The following MGAM variants were observed in gnomAD, a reference collection of about 807,000 sequenced individuals.
The protein encoded by MGAM is alpha-1,4-glucosidase.
A neutral mutation model predicts 358.8 loss-of-function variants in MGAM; 253 were observed. The observed-to-expected ratio is 0.71, with a 90% confidence interval of 0.64 to 0.78. MGAM has a LOEUF of 0.78. Among genes scored for constraint, MGAM ranks in the 30% least tolerant of loss-of-function variants. The pLI is 0.00. For synonymous variants in MGAM, 1,105 were observed against 1,227.1 expected, an observed-to-expected ratio of 0.90 and a Z score of 2.08; for missense variants, 3,080 against 3,432.6, an observed-to-expected ratio of 0.90 and a Z score of 2.57.
At chr7:142,063,748 C>T (rs953203345) in intron 36 of MGAM, among the ~76,000 whole-genome samples, 162 bp downstream of exon 36, 3 of 152,148 alleles carry the variant, frequency 2.0e-5, no homozygotes, top group Admixed American at 6.5e-5. Context: ...TTTACCCAGC[C>T]GGGCATGGGC....
intron 20 of MGAM, chr7:142,040,417 A>T (rs1277796649): frequency 3.4e-6 from 2 of 583,724 alleles, no homozygotes; most frequent in Non-Finnish European, 6.0e-6. Flanking sequence ...GTATCTCATA[A>T]ATTAATATTG....
intron 19 of MGAM, among the ~76,000 whole-genome samples, chr7:142,039,501 C>G (rs539776041): frequency 6.6e-5 from 10 of 152,226 alleles, no homozygotes; most frequent in Non-Finnish European, 1.5e-5. Flanking sequence ...AATCTGCCCT[C>G]ATCATCCAGT....
chr7:142,036,243 A>C lies in MGAM; in HGVS notation c.2034A>C (p.Ala678=). The change falls in exon 17 of 71, where the codon GCA becomes GCC. Residue 678 remains alanine, a synonymous_variant. Coordinates refer to ENST00000475668, the MANE Select transcript of MGAM (RefSeq NM_001365693.1). ...ELCRRWMQLG[A]FYPFSRNHNG... is the part of the protein sequence containing the mutation. ...GTAGGCGGTGGATGCAGTTGGGTGC[A>C]TTTTATCCGTTTTCTAGAAATCACA... 1 of 1,611,444 alleles carries C rather than the reference A, an allele frequency of 6.2e-7. No individual in the cohort carries two copies.
At chr7:142,014,106 A>G (rs1167287745) in intron 3 of MGAM, among the ~76,000 whole-genome samples, 2 of 152,198 alleles carry the variant, frequency 1.3e-5, no homozygotes, top group Non-Finnish European at 2.9e-5. Flanking sequence ...CTCCAGCTTC[A>G]GTGAAGGAGG....
chr7:142,053,755 C>G (rs1315631403), intron 26 of MGAM, among the ~76,000 whole-genome samples: 1 of 152,102 alleles, frequency 6.6e-6, no homozygotes, highest in Non-Finnish European at 1.5e-5. Flanking sequence ...GTCACATTGC[C>G]TGAAAGGTTC....
At chr7:142,059,361 G>A in intron 31 of MGAM, 111 bp from the exon 32 acceptor site, 1 of 1,479,520 alleles carries the variant, frequency 6.8e-7, no homozygotes, top group Non-Finnish European at 9.1e-7. Context: ...GGATTTGAAT[G>A]CATCAACAAG....
rs781899298 is a variant in MGAM, at chr7:142,027,639, C to T, written c.1125C>T (p.Tyr375=). ...TTGGGCGGCCAGCCCTTCCCTCCTA[C>T]TGGGCGCTTGGATTTCACCTCAGTC... ...ELIGRPALPS[Y]WALGFHLSRY... Residue 375 remains tyrosine (Y), a synonymous_variant, in exon 10 of 71, where the codon TAC becomes TAT. Transcript: ENST00000475668. 1.5e-5 allele frequency: 25 copies of T among 1,613,706 alleles called. No homozygotes were observed. The highest frequency in any genetic ancestry group is 2.0e-5 in the Non-Finnish European group (24 of 1,179,770).
In MGAM at chr7:142,104,531, GT is replaced by G. The variant is rs530319262; in HGVS notation, c.8184+1099del. 3.1e-4 allele frequency among the ~76,000 whole-genome samples: 47 copies of G among 152,198 alleles called. 1 individual carries two copies. In the South Asian group the frequency reaches 8.5e-3, roughly 28 times the overall value. On this transcript the variant is annotated intron_variant, in intron 70 of 70. Coordinates refer to ENST00000475668, the MANE Select transcript of MGAM (RefSeq NM_001365693.1). ...AAATTCTTCCACTAGTGTCTATGAA[GT>G]TTTTTTCCTGAGCCACTAACACACT...
chr7:142,028,221 A>G (rs1807147519), intron 10 of MGAM, among the ~76,000 whole-genome samples: 1 of 152,164 alleles, frequency 6.6e-6, no homozygotes, highest in Non-Finnish European at 1.5e-5. Flanking sequence ...ATATTTTCAG[A>G]AATTCCTCTA....
At chr7:142,100,979 A>G in intron 68 of MGAM, 89 bp downstream of exon 68, 2 of 1,193,554 alleles carry the variant, frequency 1.7e-6, no homozygotes, top group Non-Finnish European at 2.4e-6. Flanking sequence ...TTTCCCTATT[A>G]TAACAATTTT....
chr7:142,060,889 C>T (rs1416811084), intron 34 of MGAM, among the ~76,000 whole-genome samples: 3 of 152,114 alleles, frequency 2.0e-5, no homozygotes, highest in African/African-American at 4.8e-5. Flanking sequence ...CCCCACCATT[C>T]CTTGGGTTTC....
chr7:142,042,026 T>TAACA (rs1491094720), intron 21 of MGAM, among the ~76,000 whole-genome samples: 1 of 22,096 alleles, frequency 4.5e-5, no homozygotes, highest in Non-Finnish European at 6.6e-5. Flanking sequence ...TATATATATA[T>TAACA]TATATTATAT....
chr7:142,062,750 G>A (rs1324135118), intron 35 of MGAM, 48 bp downstream of exon 35: 1 of 1,610,054 alleles, frequency 6.2e-7, no homozygotes, highest in Non-Finnish European at 8.5e-7. Context: ...GTCTATCTTT[G>A]TGTGCCTAAG....
intron 21 of MGAM, among the ~76,000 whole-genome samples, chr7:142,045,304 ATATG>A (rs1810044801): frequency 8.9e-6 from 1 of 112,336 alleles, no homozygotes; most frequent in Non-Finnish European, 1.6e-5. Context: ...AATATATATT[ATATG>A]TACCTATAAT....
intron 44 of MGAM, among the ~76,000 whole-genome samples, chr7:142,072,196 C>T (rs1451637247): frequency 6.8e-6 from 1 of 146,042 alleles, no homozygotes; most frequent in Non-Finnish European, 1.5e-5. Context: ...AAACCAATCA[C>T]AACCTGGTTC....
chr7:142,095,831 G>T, intron 64 of MGAM, 118 bp downstream of exon 64: 1 of 1,443,722 alleles, frequency 6.9e-7, no homozygotes, highest in Non-Finnish European at 9.4e-7. Context: ...CTCTTCAGGT[G>T]CAGACCATAC....
chr7:142,020,599 A>ATT (rs1367804626), intron 4 of MGAM, among the ~76,000 whole-genome samples: 37 of 133,568 alleles, frequency 2.8e-4, no homozygotes, highest in African/African-American at 1.1e-3. Context: ...ATATATATAT[A>ATT]TATATTTTTT....
rs577073820 is a variant in MGAM at position 142,037,556 on chromosome 7, GC to G, written c.2231+582del. Among the ~76,000 whole-genome samples the G allele has an allele frequency of 8.7e-4, 132 of 152,194 alleles. 1 individual carries two copies. The highest frequency in any genetic ancestry group is 3.4e-3 in the Middle Eastern group (1 of 294). On this transcript the variant is annotated intron_variant, in intron 18 of 70. Coordinates refer to ENST00000475668, the MANE Select transcript of MGAM (RefSeq NM_001365693.1). The stretch of plus-strand genomic sequence containing the variant: ...CTCCCTTATGTGGGTGACATATGAG[GC>G]CCTCAGGCACGTATCAGGCTATTAT...
rs765174775 is a variant in MGAM at position 142,080,920 on chromosome 7, C to T, written c.5977C>T (p.Arg1993Cys). Residue 1993 changes from arginine (R) to cysteine (C), a missense_variant, in exon 50 of 71, where the codon CGC (arginine) becomes TGC (cysteine). This residue lies in a region of MGAM where 932 missense variants were observed against 1,198.2 expected (regional missense o/e 0.78). Coordinates refer to ENST00000475668, the MANE Select transcript of MGAM (RefSeq NM_001365693.1). ...GAAGAATCCATTTGGGATTGAAATT[C>T]GCCGGAAGAGTACAGGCACTATAAT... Reference protein sequence around the residue: ...IKKNPFGIEIRRKSTGTIIWD... With the variant: ...IKKNPFGIEICRKSTGTIIWD... 1.1e-5 allele frequency: 17 copies of T among 1,555,506 alleles called. 2 individuals are homozygous for T. The highest frequency in any genetic ancestry group is 6.8e-5 in the East Asian group (3 of 43,902).
Sources: allele counts gnomAD v4.1 joint callset (sites outside exome capture counted in the v4.1 genomes callset), GRCh38; gene constraint gnomAD v4.1.1; regional missense constraint gnomAD v4.1.1; transcripts MANE v1.5; gene names NCBI Gene and HGNC (gene_info 2026-07-23, HGNC 2026-07-21).